PCNX2: variants seen among roughly 807,000 people sequenced by gnomAD.
PCNX2 encodes pecanex 2.
Under a neutral mutation model 223.8 loss-of-function variants are expected in PCNX2, and 168 were observed. The ratio of observed to expected loss-of-function variants is 0.75; its 90% confidence interval spans 0.66 to 0.85. The LOEUF (loss-of-function observed/expected upper bound fraction) is 0.85, where lower values mean the gene tolerates loss of function less well. Ranked by LOEUF, PCNX2 falls within the 40% of genes least tolerant of loss-of-function variation. The probability of loss-of-function intolerance (pLI) is 0.00; values close to 1 mark genes in which losing one functional copy is unlikely to be tolerated. For synonymous variants in PCNX2, 1,006 were observed against 1,052.6 expected (o/e 0.96, Z 0.86); for missense variants, 2,507 against 2,675.5 (o/e 0.94, Z 1.39).
chr1:233,022,490 C>T (rs1005578632), intron 26 of PCNX2, among the ~76,000 whole-genome samples: 3 of 151,956 alleles, frequency 2.0e-5, no homozygotes, highest in South Asian at 2.1e-4. Context: ...AGAGAAGCTG[C>T]GGGCATGTGG....
chr1:233,237,323 G>A (rs1337605400), intron 8 of PCNX2, among the ~76,000 whole-genome samples: 1 of 152,010 alleles, frequency 6.6e-6, no homozygotes, highest in Non-Finnish European at 1.5e-5. Flanking sequence ...CTCATATTTT[G>A]TAAAAACAAA....
chr1:233,314,397 T>C, the PCNX2 span, among the ~76,000 whole-genome samples: 1 of 152,184 alleles, frequency 6.6e-6, no homozygotes, highest in Non-Finnish European at 1.5e-5. Flanking sequence ...TATGACCTTT[T>C]CAAAATGTGT....
chr1:233,269,402 C>T (rs1235440754), intron 1 of PCNX2, among the ~76,000 whole-genome samples: 1 of 152,202 alleles, frequency 6.6e-6, no homozygotes, highest in East Asian at 1.9e-4. Context: ...TAATAAATGA[C>T]AGCTGAAGTC....
intron 25 of PCNX2, 43 bp from the exon 26 acceptor site, chr1:233,025,442 G>A (rs751251382): frequency 6.2e-7 from 1 of 1,601,878 alleles, no homozygotes; most frequent in Non-Finnish European, 8.5e-7. Context: ...GAGAAGGCAT[G>A]CTAGAATGTT....
At position 233,234,501 on chromosome 1, in the gene PCNX2, G is replaced by T. The variant is rs79916568; in HGVS notation, c.2358+2344C>A. On this transcript the variant is annotated intron_variant, in intron 9 of 33. Transcript: ENST00000258229. ...CGCTACAGATGAGTTGAGTTTTTAT[G>T]CATCATCGTGACATTTATAGGATTA... 4.2e-3 allele frequency among the ~76,000 whole-genome samples: 640 copies of T among 152,282 alleles called. 3 individuals carry two copies. Among genetic ancestry groups the T allele is most frequent in the Non-Finnish European group, 6.9e-3 (467 of 68,014 alleles).
At chr1:233,216,534 C>T (rs1477159836) in intron 12 of PCNX2, among the ~76,000 whole-genome samples, 1 of 152,038 alleles carries the variant, frequency 6.6e-6, no homozygotes, top group Non-Finnish European at 1.5e-5. Context: ...ATCAAAAAGA[C>T]AAAAGATAAC....
Position 233,258,275 on chromosome 1 carries a change from C to G in PCNX2, c.1587G>C (p.Arg529=). 1 of 1,613,990 alleles carries G rather than the reference C, an allele frequency of 6.2e-7. No homozygotes were observed. The highest frequency in any genetic ancestry group is 8.5e-7 in the Non-Finnish European group (1 of 1,179,886). The part of the protein sequence containing the change: ...CKSSHEKRHA[R]VLSVDSGTDV... ...CTGTCCCACTGTCCACACTGAGCAC[C>G]CGGGCATGCCTCTTTTCATGGCTGG... is the stretch of plus-strand genomic sequence containing the variant. Residue 529 remains arginine, a synonymous_variant, in exon 5 of 34, where the codon CGG becomes CGC. Coordinates refer to ENST00000258229, the MANE Select transcript of PCNX2 (RefSeq NM_014801.4).
chr1:233,258,311 C>T lies in PCNX2; in HGVS notation c.1551G>A (p.Ser517=), dbSNP rs1166020733. The T allele has an allele frequency of 2.5e-6, 4 of 1,614,022 alleles. No homozygotes were observed. The highest frequency in any genetic ancestry group is 3.4e-6 in the Non-Finnish European group (4 of 1,179,898). Residue 517 remains serine (S), a synonymous_variant, in exon 5 of 34, where the codon TCG becomes TCA. Transcript: ENST00000258229. ...TCTTTTCATGGCTGGACTTACAAGA[C>T]GATGGGTCAAGGTTAGTCTGGCCTT... is the stretch of plus-strand genomic sequence containing the variant. The part of the protein sequence containing the change: ...GKEGQTNLDP[S]SCKSSHEKRH...
chr1:233,315,274 A>C, the PCNX2 span, among the ~76,000 whole-genome samples: 1 of 152,202 alleles, frequency 6.6e-6, no homozygotes, highest in Non-Finnish European at 1.5e-5. Flanking sequence ...TGCAGAAAAA[A>C]CAGAGATTAT....
chr1:233,267,234 T>C (rs1324939132), intron 1 of PCNX2, among the ~76,000 whole-genome samples: 1 of 152,020 alleles, frequency 6.6e-6, no homozygotes, highest in Non-Finnish European at 1.5e-5. Flanking sequence ...GGAGAATCAC[T>C]TGAACGTGGG....
chr1:233,023,684 C>G (rs1432347741), intron 26 of PCNX2, among the ~76,000 whole-genome samples: 1 of 152,176 alleles, frequency 6.6e-6, no homozygotes, highest in African/African-American at 2.4e-5. Context: ...AAATCTTCCC[C>G]CATTTACATT....
chr1:233,169,577 G>A (rs1274076628), intron 17 of PCNX2, among the ~76,000 whole-genome samples: 1 of 148,872 alleles, frequency 6.7e-6, no homozygotes, highest in African/African-American at 2.5e-5. Context: ...CCCGGGAGGC[G>A]GAGCTTGCAG....
intron 28 of PCNX2, among the ~76,000 whole-genome samples, chr1:233,009,939 C>T (rs908996185): frequency 1.2e-4 from 18 of 152,190 alleles, no homozygotes; most frequent in African/African-American, 4.3e-4. Flanking sequence ...ACTTCTGCTC[C>T]TTTGTAGGCT....
intron 23 of PCNX2, among the ~76,000 whole-genome samples, chr1:233,078,799 TAAGCTC>T (rs536636825): frequency 1.6e-3 from 249 of 152,350 alleles, no homozygotes; most frequent in African/African-American, 5.8e-3. Context: ...CAATGCATAA[TAAGCTC>T]AAAGCAATGC....
chr1:233,084,349 C>T (rs1310986659), intron 23 of PCNX2, among the ~76,000 whole-genome samples: 1 of 152,202 alleles, frequency 6.6e-6, no homozygotes, highest in Non-Finnish European at 1.5e-5. Context: ...GCAGACCAGT[C>T]ACACAGAGTG....
At chr1:233,008,354 G>A (rs992538952) in intron 28 of PCNX2, among the ~76,000 whole-genome samples, 20 of 152,140 alleles carry the variant, frequency 1.3e-4, no homozygotes, top group African/African-American at 4.3e-4. Context: ...ACTGAGAAGC[G>A]GCATATGGAC....
At chr1:233,099,099 A>T (rs1674338752) in intron 21 of PCNX2, among the ~76,000 whole-genome samples, 1 of 152,246 alleles carries the variant, frequency 6.6e-6, no homozygotes, top group Non-Finnish European at 1.5e-5. Flanking sequence ...TAGGTCAGAC[A>T]GCAAGTTACT....
At position 232,986,164 on chromosome 1, in the gene PCNX2, A is replaced by G. The variant is rs754784931; in HGVS notation, c.6168T>C (p.Ser2056=). 7 of 1,567,732 alleles carry G rather than the reference A, an allele frequency of 4.5e-6. No individual in the cohort carries two copies. In the East Asian group the frequency reaches 1.2e-4, roughly 26 times the overall value. ...TGACGCTGCTGGATGACTGGGTGTCACTGGTATTGCCCCCCTCCGCAGCAG... is the reference window on the plus strand; with the variant it reads ...TGACGCTGCTGGATGACTGGGTGTCGCTGGTATTGCCCCCCTCCGCAGCAG... ...GLSAAEGGNT[S]DTQSSSSVNI... Residue 2056 remains serine, a synonymous_variant, in exon 33 of 34, where the codon AGT becomes AGC. Coordinates refer to ENST00000258229, the MANE Select transcript of PCNX2 (RefSeq NM_014801.4).
intron 15 of PCNX2, chr1:233,181,119 C>T (rs1010287912): frequency 1.3e-5 from 2 of 152,012 alleles, no homozygotes; most frequent in Non-Finnish European, 2.9e-5. Context: ...CTGAGCCCAA[C>T]TCTCCCCTCA....
Sources: gnomAD v4.1 joint callset for allele counts (sites outside exome capture counted in the v4.1 genomes callset) on GRCh38, gnomAD v4.1.1 for gene constraint, MANE v1.5 for transcripts, NCBI Gene and HGNC (gene_info 2026-07-23, HGNC 2026-07-21) for gene names.